Variants in ADAMTSL3 observed in about 807,000 individuals in gnomAD.
ADAMTSL3 encodes the protein ADAMTS like 3, also known as ADAMTS-like protein 3.
ADAMTSL3 carries 128 observed loss-of-function variants against 201.7 expected under a neutral mutation model. The observed-to-expected ratio is 0.63, with a 90% CI of 0.55 to 0.73. The LOEUF is 0.73. Among genes scored for constraint, ADAMTSL3 ranks in the 30% least tolerant of loss-of-function variants. The pLI is 0.00. For synonymous variants in ADAMTSL3, 738 were observed against 748.4 expected, an observed-to-expected ratio of 0.99 and a Z score of 0.23; for missense variants, 1,990 against 2,119.6, an observed-to-expected ratio of 0.94 and a Z score of 1.20.
Position 84,035,081 on chromosome 15 carries a change from A to C in ADAMTSL3, c.4755-1692A>C, listed in dbSNP as rs188754764. On this transcript the variant is annotated intron_variant, in intron 28 of 29. Transcript: ENST00000286744. ...TTTTTCTACTGTATCCTTAGTGAGC[A>C]GCCTCTTAGCTTTCCTGGGCTTCAG... Among the ~76,000 whole-genome samples, 51 of 152,206 alleles carry C rather than the reference A, an allele frequency of 3.4e-4. 2 individuals are homozygous for C. In the East Asian group the frequency reaches 5.2e-3, roughly 16 times the overall value.
chr15:83,866,908 C>G (rs2064991214), intron 8 of ADAMTSL3, among the ~76,000 whole-genome samples: 1 of 152,158 alleles, frequency 6.6e-6, no homozygotes, highest in South Asian at 2.1e-4. Context: ...CCAAGAGTGA[C>G]AAATCTGTTG....
At chr15:83,957,968 C>T (rs1204387572) in intron 19 of ADAMTSL3, among the ~76,000 whole-genome samples, 1 of 151,886 alleles carries the variant, frequency 6.6e-6, no homozygotes, top group African/African-American at 2.4e-5. Flanking sequence ...TTCCCAAATC[C>T]CTCATTAAAA....
intron 2 of ADAMTSL3, among the ~76,000 whole-genome samples, chr15:83,663,108 A>G (rs150796409): frequency 6.6e-6 from 1 of 152,270 alleles, no homozygotes; most frequent in African/African-American, 2.4e-5. Context: ...GACCCATAGG[A>G]AATGCATGCT....
At chr15:83,791,742 C>T (rs938958920) in intron 4 of ADAMTSL3, among the ~76,000 whole-genome samples, 5 of 151,860 alleles carry the variant, frequency 3.3e-5, no homozygotes, top group Non-Finnish European at 7.4e-5. Flanking sequence ...CGCCTGTAGT[C>T]CCAGCTACTC....
At chr15:83,876,100 C>T (rs1030431857) in intron 9 of ADAMTSL3, among the ~76,000 whole-genome samples, 5 of 152,066 alleles carry the variant, frequency 3.3e-5, no homozygotes, top group African/African-American at 1.2e-4. Flanking sequence ...CATTTTTCTA[C>T]GGAAGTATCC....
At chr15:83,996,801 A>G (rs1341303435) in intron 23 of ADAMTSL3, among the ~76,000 whole-genome samples, 1 of 151,300 alleles carries the variant, frequency 6.6e-6, no homozygotes, top group Non-Finnish European at 1.5e-5. Context: ...AAAAAAAAAA[A>G]AAAAAAGAGC....
At chr15:83,693,416 A>AG (rs2061639349) in intron 2 of ADAMTSL3, among the ~76,000 whole-genome samples, 1 of 152,146 alleles carries the variant, frequency 6.6e-6, no homozygotes. Flanking sequence ...AGGGCTGTGG[A>AG]GGCAGAGTAC....
At chr15:83,860,994 A>T (rs2064844114) in intron 8 of ADAMTSL3, among the ~76,000 whole-genome samples, 1 of 152,236 alleles carries the variant, frequency 6.6e-6, no homozygotes, top group South Asian at 2.1e-4. Context: ...CAATGGTCTT[A>T]GCAAATGGCA....
Position 84,016,370 on chromosome 15 carries a change from T to A in ADAMTSL3, c.4157-13T>A. ...GTCTAACTGGTAAAAGTGCTACTTTTTTTTTTCCTCAGAACGAAGATGGCC... is the reference window on the plus strand; with the variant it reads ...GTCTAACTGGTAAAAGTGCTACTTTATTTTTTCCTCAGAACGAAGATGGCC... On this transcript the variant is annotated splice_polypyrimidine_tract_variant and intron_variant, in intron 24 of 29. Coordinates refer to ENST00000286744, the MANE Select transcript of ADAMTSL3 (RefSeq NM_207517.3). The A allele has an allele frequency of 6.2e-7, 1 of 1,608,612 alleles. No individual in the cohort carries two copies. The highest frequency in any genetic ancestry group is 1.3e-5 in the African/African-American group (1 of 74,824).
At chr15:83,725,419 C>A (rs1175076406) in intron 3 of ADAMTSL3, among the ~76,000 whole-genome samples, 1 of 152,118 alleles carries the variant, frequency 6.6e-6, no homozygotes, top group Non-Finnish European at 1.5e-5. Flanking sequence ...CACTTGTCTT[C>A]TTTTGCTTTG....
intron 7 of ADAMTSL3, among the ~76,000 whole-genome samples, chr15:83,851,194 AG>A (rs2064605387): frequency 6.6e-6 from 1 of 152,188 alleles, no homozygotes; most frequent in Non-Finnish European, 1.5e-5. Context: ...ACTTTAGTGG[AG>A]GGTTACAGAA....
At chr15:83,987,460 T>A (rs1242190719) in intron 21 of ADAMTSL3, among the ~76,000 whole-genome samples, 5 of 152,186 alleles carry the variant, frequency 3.3e-5, no homozygotes, top group Non-Finnish European at 7.3e-5. Context: ...GTTCCTGCCC[T>A]TGAAAAGATC....
intron 3 of ADAMTSL3, among the ~76,000 whole-genome samples, chr15:83,741,973 A>G (rs2062462620): frequency 6.6e-6 from 1 of 152,174 alleles, no homozygotes; most frequent in South Asian, 2.1e-4. Context: ...AAATATGTAT[A>G]TATTCAATAG....
Position 84,025,369 on chromosome 15 carries a change from A to G in ADAMTSL3, c.4589A>G (p.Lys1530Arg). 1 of 1,614,126 alleles carries G rather than the reference A, an allele frequency of 6.2e-7. No individual in the cohort carries two copies. The highest frequency in any genetic ancestry group is 8.5e-7 in the Non-Finnish European group (1 of 1,180,016). The change falls in exon 27 of 30, where the codon AAA becomes AGA. Residue 1530 changes from lysine to arginine, a missense_variant. Transcript: ENST00000286744. ...QVVSPRACAP[K>R]DRPLGRKPCF... ...GTGTCTCCAAGAGCATGTGCCCCTA[A>G]AGACCGGCCTCTGGGAAGAAAACCA...
intron 8 of ADAMTSL3, among the ~76,000 whole-genome samples, chr15:83,860,817 G>C (rs887392005): frequency 6.6e-5 from 10 of 152,124 alleles, no homozygotes; most frequent in African/African-American, 2.4e-4. Context: ...CGGAGAGTGG[G>C]TGCAGGACAG....
intron 13 of ADAMTSL3, among the ~76,000 whole-genome samples, chr15:83,897,129 A>C (rs2065631523): frequency 6.6e-6 from 1 of 152,210 alleles, no homozygotes; most frequent in Admixed American, 6.5e-5. Context: ...CATAACAGAT[A>C]AATTTGAAAA....
At chr15:83,937,917 C>A (rs1335714180) in intron 17 of ADAMTSL3, among the ~76,000 whole-genome samples, 2 of 150,636 alleles carry the variant, frequency 1.3e-5, no homozygotes, top group East Asian at 3.9e-4. Context: ...AAATAATAGG[C>A]TGGATAACTA....
At chr15:83,845,504 A>G (rs2064478854) in intron 7 of ADAMTSL3, among the ~76,000 whole-genome samples, 1 of 152,220 alleles carries the variant, frequency 6.6e-6, no homozygotes, top group Non-Finnish European at 1.5e-5. Flanking sequence ...GCCTCTGACA[A>G]TCTATCTTCT....
chr15:83,686,899 A>G (rs2061543528), intron 2 of ADAMTSL3, among the ~76,000 whole-genome samples: 1 of 152,186 alleles, frequency 6.6e-6, no homozygotes, highest in Non-Finnish European at 1.5e-5. Flanking sequence ...GTATTAAAAT[A>G]AGCTAAAAGG....
Sources: gnomAD v4.1 joint callset for allele counts (sites outside exome capture counted in the v4.1 genomes callset) on GRCh38, gnomAD v4.1.1 for gene constraint, MANE v1.5 for transcripts, NCBI Gene and HGNC (gene_info 2026-07-23, HGNC 2026-07-21) for gene names.